The following PLXNA4 variants were observed in gnomAD, a reference collection of about 807,000 sequenced individuals.
PLXNA4 encodes the protein plexin-A4.
A neutral mutation model predicts 191.8 loss-of-function variants in PLXNA4; 44 were observed. The observed-to-expected ratio is 0.23, with a 90% CI of 0.18 to 0.29. PLXNA4 has a LOEUF of 0.29. PLXNA4 is among the 10% of genes least tolerant of loss of function. PLXNA4 has a pLI of 1.00. For synonymous variants in PLXNA4, 1,082 were observed against 1,009.5 expected (o/e 1.07, Z -1.36); for missense variants, 1,800 against 2,488.8 (o/e 0.72, Z 5.89).
At chr7:132,588,917 G>A (rs973784864) in intron 2 of PLXNA4, among the ~76,000 whole-genome samples, 7 of 151,974 alleles carry the variant, frequency 4.6e-5, no homozygotes, top group African/African-American at 1.7e-4. Flanking sequence ...AAGAAATAGA[G>A]AGAGGAGTGA....
intron 3 of PLXNA4, among the ~76,000 whole-genome samples, chr7:132,451,658 T>C (rs1461520715): frequency 6.6e-6 from 1 of 152,204 alleles, no homozygotes; most frequent in Non-Finnish European, 1.5e-5. Context: ...TGAGCTGTCA[T>C]TGAAATATCC....
chr7:132,624,774 G>A (rs1803337548), intron 2 of PLXNA4, among the ~76,000 whole-genome samples: 1 of 151,980 alleles, frequency 6.6e-6, no homozygotes, highest in Non-Finnish European at 1.5e-5. Flanking sequence ...CCCTATTTAG[G>A]CTCCCCACCA....
chr7:132,531,588 A>G (rs1023308673), intron 1 of PLXNA4, among the ~76,000 whole-genome samples: 2 of 152,312 alleles, frequency 1.3e-5, no homozygotes, highest in Admixed American at 6.5e-5. Context: ...GACCTAAGGA[A>G]GCTGTGTTTA....
intron 3 of PLXNA4, among the ~76,000 whole-genome samples, chr7:132,426,420 G>A (rs770105700): frequency 1.3e-5 from 2 of 152,152 alleles, no homozygotes; most frequent in African/African-American, 4.8e-5. Context: ...TGTGACCAGC[G>A]CTGTCATGTC....
chr7:132,502,291 G>A (rs977025518), intron 2 of PLXNA4, among the ~76,000 whole-genome samples: 28 of 152,156 alleles, frequency 1.8e-4, no homozygotes, highest in African/African-American at 6.8e-4. Context: ...TCAAAGGAAC[G>A]GCACGTGGAA....
At chr7:132,292,489 G>C (rs1475631969) in intron 4 of PLXNA4, among the ~76,000 whole-genome samples, 7 of 152,200 alleles carry the variant, frequency 4.6e-5, no homozygotes, top group Admixed American at 4.6e-4. Flanking sequence ...TCAGAATCCT[G>C]CCATCTCTAT....
rs71529758 is a variant in PLXNA4 at position 132,334,252 on chromosome 7, C to CTTTTT, written c.1372-36035_1372-36031dup. Among the ~76,000 whole-genome samples the CTTTTT allele has an allele frequency of 4.8e-3, 360 of 75,580 alleles. 8 individuals are homozygous for CTTTTT. The highest frequency in any genetic ancestry group is 7.2e-3 in the African/African-American group (119 of 16,428). The allele number at this position is 75,580 out of a possible 152,430, so 49.6% of individuals were successfully genotyped here. ...TTTCTTTTCTTTTCTTTCTTTCTTTCTTTTTTTTTTTTTTTTTTTTTTTGA... is the reference window on the plus strand; with the variant it reads ...TTTCTTTTCTTTTCTTTCTTTCTTTCTTTTTTTTTTTTTTTTTTTTTTTTTTTTGA... On this transcript the variant is annotated intron_variant, in intron 3 of 31. Transcript: ENST00000321063.
At chr7:132,299,730 C>T (rs978641107) in intron 3 of PLXNA4, among the ~76,000 whole-genome samples, 1 of 152,204 alleles carries the variant, frequency 6.6e-6, no homozygotes, top group Non-Finnish European at 1.5e-5. Flanking sequence ...ATTGAACCCA[C>T]TCCTTGCTTC....
chr7:132,198,906 C>T (rs1797344680), intron 12 of PLXNA4, among the ~76,000 whole-genome samples: 1 of 152,188 alleles, frequency 6.6e-6, no homozygotes, highest in African/African-American at 2.4e-5. Flanking sequence ...TGGAACATGA[C>T]CAGCAATGCT....
intron 3 of PLXNA4, among the ~76,000 whole-genome samples, chr7:132,346,404 A>G (rs1803247990): frequency 6.6e-6 from 1 of 152,252 alleles, no homozygotes; most frequent in Admixed American, 6.5e-5. Context: ...TCAAGTCAGT[A>G]ATGGAGGAAG....
chr7:132,513,885 A>T (rs1404897114), intron 1 of PLXNA4, among the ~76,000 whole-genome samples: 1 of 151,630 alleles, frequency 6.6e-6, no homozygotes, highest in Admixed American at 6.6e-5. Flanking sequence ...ATGTTGGGTC[A>T]GGCTAGTCTT....
chr7:132,563,810 TCCTCC>T (rs1801530134), intron 1 of PLXNA4, among the ~76,000 whole-genome samples: 1 of 80,716 alleles, frequency 1.2e-5, no homozygotes, highest in Non-Finnish European at 2.6e-5. Context: ...CTCCTTCTCC[TCCTCC>T]TTCTCCTCCT....
intron 3 of PLXNA4, among the ~76,000 whole-genome samples, chr7:132,428,852 T>A (rs1795152198): frequency 6.6e-6 from 1 of 152,168 alleles, no homozygotes; most frequent in Admixed American, 6.5e-5. Context: ...TTCTCCTAGA[T>A]CTCAGGCACT....
Position 132,576,131 on chromosome 7 carries a change from C to T in PLXNA4, c.-87+291G>A, listed in dbSNP as rs1036978625. On this transcript the variant is annotated intron_variant, in intron 1 of 31. Coordinates refer to ENST00000321063, the MANE Select transcript of PLXNA4 (RefSeq NM_020911.2). The surrounding 1 kb of genome is among the most constrained non-coding windows in gnomAD (Gnocchi z 5.8). ...AGCCGGGAATACACAGAATCCCACC[C>T]CGAAAGTCCCGGGAAAGAGAAGTCT... Among the ~76,000 whole-genome samples, 1 of 152,192 alleles carries T rather than the reference C, an allele frequency of 6.6e-6. No homozygotes were observed. Among genetic ancestry groups the T allele is most frequent in the Non-Finnish European group, 1.5e-5 (1 of 68,036 alleles).
chr7:132,269,114 C>A (rs1333782993), intron 4 of PLXNA4, among the ~76,000 whole-genome samples: 1 of 152,302 alleles, frequency 6.6e-6, no homozygotes, highest in Non-Finnish European at 1.5e-5. Context: ...GTCCCTCAAC[C>A]TTTGCAGCTG....
chr7:132,301,997 T>C (rs928299294), intron 3 of PLXNA4, among the ~76,000 whole-genome samples: 10 of 152,240 alleles, frequency 6.6e-5, no homozygotes, highest in African/African-American at 2.4e-4. Flanking sequence ...GGTCTCCTGA[T>C]TCCTAGCTCA....
intron 3 of PLXNA4, among the ~76,000 whole-genome samples, chr7:132,418,752 CA>C (rs1227572666): frequency 6.6e-6 from 1 of 152,072 alleles, no homozygotes; most frequent in African/African-American, 2.4e-5. Context: ...AAGGGTGGAG[CA>C]GGGGGTGTGG....
At chr7:132,640,789 G>T (rs964101416) in intron 2 of PLXNA4, among the ~76,000 whole-genome samples, 2 of 25,146 alleles carry the variant, frequency 8.0e-5, no homozygotes, top group South Asian at 1.7e-3. Flanking sequence ...AAAAAAAAAG[G>T]GGGGGGCCCT....
chr7:132,385,587 C>T (rs1234148459), intron 3 of PLXNA4, among the ~76,000 whole-genome samples: 1 of 152,210 alleles, frequency 6.6e-6, no homozygotes, highest in Non-Finnish European at 1.5e-5. Context: ...TATGATGGCA[C>T]GTGTCTTAGA....
Sources: allele counts gnomAD v4.1 joint callset (sites outside exome capture counted in the v4.1 genomes callset), GRCh38; gene constraint gnomAD v4.1.1; non-coding constraint Gnocchi (gnomAD v3.1); transcripts MANE v1.5; gene names NCBI Gene and HGNC (gene_info 2026-07-23, HGNC 2026-07-21).